The following HHIPL1 variants were observed in gnomAD, a reference collection of about 807,000 sequenced individuals.
HHIPL1 encodes the protein HHIP-like protein 1.
Under a neutral mutation model 61.8 loss-of-function variants are expected in HHIPL1, and 43 were observed. That is an observed-to-expected ratio of 0.70 (90% CI 0.55 to 0.90). The LOEUF is 0.90. HHIPL1 is among the 40% of genes least tolerant of loss of function. The pLI, the probability that HHIPL1 is intolerant of heterozygous loss-of-function variation, is 0.00. For missense variants in HHIPL1, 1,056 were observed against 1,157.7 expected, an observed-to-expected ratio of 0.91 and a Z score of 1.28; for synonymous variants, 482 against 515.8, an observed-to-expected ratio of 0.93 and a Z score of 0.89.
chr14:99,621,224 A>C, the HHIPL1 span, among the ~76,000 whole-genome samples: 2 of 152,118 alleles, frequency 1.3e-5, no homozygotes, highest in Non-Finnish European at 2.9e-5. Flanking sequence ...TCAGCCTCTC[A>C]AGTAGCTGGG....
At chr14:99,661,813 T>C (rs1041952146) in intron 5 of HHIPL1, among the ~76,000 whole-genome samples, 1 of 152,130 alleles carries the variant, frequency 6.6e-6, no homozygotes, top group East Asian at 1.9e-4. Context: ...AGCAGCCGAA[T>C]AGGGTTCCTA....
chr14:99,615,509 A>G, the HHIPL1 span, among the ~76,000 whole-genome samples: 1 of 151,956 alleles, frequency 6.6e-6, no homozygotes, highest in East Asian at 1.9e-4. Flanking sequence ...GTGCCACTGC[A>G]CTCCAGCTTG....
chr14:99,606,245 G>T, the HHIPL1 span, among the ~76,000 whole-genome samples: 2 of 152,142 alleles, frequency 1.3e-5, no homozygotes, highest in Admixed American at 6.5e-5. Flanking sequence ...GAGGGGAGGG[G>T]ACATCCTCCC....
Position 99,677,636 on chromosome 14 carries a change from C to T in HHIPL1, c.*2010C>T, listed in dbSNP as rs961593102. On this transcript the variant is annotated 3_prime_UTR_variant, in exon 9 of 9. Coordinates refer to ENST00000330710, the MANE Select transcript of HHIPL1 (RefSeq NM_001127258.3). This position sits in a 1 kb window ranked among gnomAD's most constrained non-coding sequence, Gnocchi z 4.3. ...CCAGGCCTGTTGCCAGATGAGGCCA[C>T]GCTGAGACTGGAGCCAGGGAAGGTG... 16 of 152,366 alleles carry T rather than the reference C, an allele frequency of 1.1e-4. No individual in the cohort carries two copies. In the East Asian group the frequency reaches 1.2e-3, roughly 11 times the overall value. The allele number at this position is 152,366 out of a possible 1,614,324, so 9.4% of individuals were successfully genotyped here.
the HHIPL1 span, among the ~76,000 whole-genome samples, chr14:99,632,551 TAGCCAAGCTCTGAGC>T: frequency 1.3e-5 from 2 of 152,172 alleles, no homozygotes; most frequent in African/African-American, 4.8e-5. Flanking sequence ...TGGTTCTGAG[TAGCCAAGCTCTGAGC>T]AGGCTATCAC....
At position 99,668,938 on chromosome 14, in the gene HHIPL1, C is replaced by T. The variant is rs2056293724; in HGVS notation, c.1730+635C>T. 5 of 1,609,712 alleles carry T rather than the reference C, an allele frequency of 3.1e-6. No homozygotes were observed. The highest frequency in any genetic ancestry group is 1.7e-4 in the Middle Eastern group (1 of 6,054). On this transcript the variant is annotated intron_variant, in intron 7 of 8. Coordinates refer to ENST00000330710, the MANE Select transcript of HHIPL1 (RefSeq NM_001127258.3). The surrounding 1 kb of genome is among the most constrained non-coding windows in gnomAD (Gnocchi z 4.7). ...ACAGTGGTGGAAATGAGCACAAAGA[C>T]ACGAAGTCATGGGCCTGGGGCCCAG...
At chr14:99,636,713 C>T in the HHIPL1 span, among the ~76,000 whole-genome samples, 5 of 151,780 alleles carry the variant, frequency 3.3e-5, no homozygotes, top group Admixed American at 2.0e-4. Flanking sequence ...AGAGGCCAGG[C>T]GTGGTGGTGC....
chr14:99,651,911 G>A (rs143100578), intron 1 of HHIPL1, among the ~76,000 whole-genome samples: 9 of 152,290 alleles, frequency 5.9e-5, no homozygotes, highest in Admixed American at 2.0e-4. Flanking sequence ...GGGCGGAGGC[G>A]CACTGTTAAC....
chr14:99,616,753 C>T, the HHIPL1 span, among the ~76,000 whole-genome samples: 2 of 151,956 alleles, frequency 1.3e-5, no homozygotes, highest in Non-Finnish European at 2.9e-5. Context: ...ATTATTGGAC[C>T]TCTCCTTGCG....
At chr14:99,611,711 AGCCACCAT>A in the HHIPL1 span, among the ~76,000 whole-genome samples, 10 of 146,398 alleles carry the variant, frequency 6.8e-5, no homozygotes, top group South Asian at 2.2e-3. Flanking sequence ...TTCAGGTGGG[AGCCACCAT>A]GCCCAGCCTA....
intron 1 of HHIPL1, among the ~76,000 whole-genome samples, chr14:99,650,877 C>A (rs1037485183): frequency 2.0e-5 from 3 of 152,236 alleles, no homozygotes; most frequent in African/African-American, 7.2e-5. Flanking sequence ...GGCATGCCTG[C>A]AAAGGGAACA....
intron 2 of HHIPL1, among the ~76,000 whole-genome samples, chr14:99,653,103 C>T (rs7140490): frequency 0.49 from 74,317 of 152,074 alleles, 20,251 homozygotes; most frequent in South Asian, 0.65. Flanking sequence ...ATTTCTCCAC[C>T]AACTCTTATT....
rs750496630 is a variant in HHIPL1 at position 99,657,076 on chromosome 14, T to C, written c.979T>C (p.Tyr327His). Residue 327 changes from tyrosine (Y) to histidine (H), a missense_variant, in exon 3 of 9, where the codon TAC becomes CAC. Transcript: ENST00000330710. ...GCTTTTCGGGGATGACGGGTACCTC[T>C]ACATCTTCACTGGAGATGGCGGGAT... ...QLLFGDDGYLYIFTGDGGMAG... is the reference protein window; with the variant it reads ...QLLFGDDGYLHIFTGDGGMAG... 3.1e-6 allele frequency: 5 copies of C among 1,613,774 alleles called. No homozygotes were observed. Among genetic ancestry groups the C allele is most frequent in the Non-Finnish European group, 3.4e-6 (4 of 1,179,852 alleles).
At chr14:99,662,800 T>C in intron 5 of HHIPL1, 76 bp from the exon 6 acceptor site, 1 of 1,337,838 alleles carries the variant, frequency 7.5e-7, no homozygotes, top group East Asian at 2.4e-5. Flanking sequence ...GATGGATGGA[T>C]GGATGGATGG....
chr14:99,607,696 G>C, the HHIPL1 span, among the ~76,000 whole-genome samples: 144,016 of 151,966 alleles, frequency 0.95, 68,710 homozygotes, highest in East Asian at 1. Context: ...GGTTGGGGCT[G>C]TGAGCTCCAA....
At chr14:99,659,844 GCACC>G (rs1382878972) in intron 4 of HHIPL1, 88 bp downstream of exon 4, 5,832 of 305,642 alleles carry the variant, frequency 0.019, 108 homozygotes, top group South Asian at 0.027. Flanking sequence ...CTCGGAGACC[GCACC>G]CCCCCCCCCC....
At chr14:99,637,356 G>A in the HHIPL1 span, among the ~76,000 whole-genome samples, 3 of 152,168 alleles carry the variant, frequency 2.0e-5, no homozygotes, top group Non-Finnish European at 4.4e-5. Context: ...GAGGTCAGGA[G>A]TTTGAAACAA....
chr14:99,668,968 A>T lies in HHIPL1; in HGVS notation c.1730+665A>T, dbSNP rs781210287. 1 of 1,585,758 alleles carries T rather than the reference A, an allele frequency of 6.3e-7. No individual in the cohort carries two copies. The highest frequency in any genetic ancestry group is 8.6e-7 in the Non-Finnish European group (1 of 1,162,062). ...AGTCATGGGCCTGGGGCCCAGGGCC[A>T]GGGTGGGGCCCAGGCCACTGGCTCC... On this transcript the variant is annotated intron_variant, in intron 7 of 8. Coordinates refer to ENST00000330710, the MANE Select transcript of HHIPL1 (RefSeq NM_001127258.3). The surrounding 1 kb of genome is among the most constrained non-coding windows in gnomAD (Gnocchi z 4.7).
In HHIPL1 at chr14:99,675,573, G is replaced by A. The variant is rs775070784; in HGVS notation, c.2296G>A (p.Glu766Lys). The A allele has an allele frequency of 8.1e-5, 125 of 1,535,882 alleles. 1 individual carries two copies. The highest frequency in any genetic ancestry group is 1.0e-4 in the Non-Finnish European group (117 of 1,144,974). ...QHNGVGTHNCEHDEDAGVVCS... is the reference protein window; with the variant it reads ...QHNGVGTHNCKHDEDAGVVCS... ...CAACGGCGTGGGCACCCACAACTGC[G>A]AGCACGACGAGGATGCGGGCGTCGT... Residue 766 changes from glutamate (E) to lysine (K), a missense_variant, in exon 9 of 9, where the codon GAG (glutamate) becomes AAG (lysine). By Grantham distance (56) the Glu-to-Lys change is moderately conservative. Transcript: ENST00000330710. This position sits in a 1 kb window ranked among gnomAD's most constrained non-coding sequence, Gnocchi z 5.4.
Sources: allele counts gnomAD v4.1 joint callset (sites outside exome capture counted in the v4.1 genomes callset), GRCh38; gene constraint gnomAD v4.1.1; non-coding constraint Gnocchi (gnomAD v3.1); transcripts MANE v1.5; gene names NCBI Gene and HGNC (gene_info 2026-07-23, HGNC 2026-07-21).